The following FBLIM1 variants were observed in gnomAD, a reference collection of about 807,000 sequenced individuals.
FBLIM1 encodes the protein filamin-binding LIM protein 1.
Under a neutral mutation model 37.4 loss-of-function variants are expected in FBLIM1, and 29 were observed. The ratio of observed to expected loss-of-function variants is 0.77; its 90% CI spans 0.58 to 1.06. The LOEUF is 1.06. Ranked by LOEUF, FBLIM1 falls within the 50% of genes least tolerant of loss-of-function variation. The pLI, the probability that FBLIM1 is intolerant of heterozygous loss-of-function variation, is 0.00. For missense variants in FBLIM1, 449 were observed against 505.6 expected, an observed-to-expected ratio of 0.89 and a Z score of 1.07; for synonymous variants, 193 against 199.0, an observed-to-expected ratio of 0.97 and a Z score of 0.25.
intron 6 of FBLIM1, among the ~76,000 whole-genome samples, chr1:15,773,605 G>A (rs149120212): frequency 7.3e-5 from 11 of 150,008 alleles, no homozygotes; most frequent in South Asian, 2.1e-4. Context: ...GCTTTAACCC[G>A]GGAAACGAGG....
intron 8 of FBLIM1, among the ~76,000 whole-genome samples, chr1:15,783,957 G>T (rs1421722808): frequency 6.6e-6 from 1 of 152,210 alleles, no homozygotes; most frequent in African/African-American, 2.4e-5. Flanking sequence ...GGGAAGCCAA[G>T]GTGGGCGGAT....
intron 1 of FBLIM1, among the ~76,000 whole-genome samples, chr1:15,763,163 G>A (rs528231570): frequency 1.5e-4 from 23 of 151,750 alleles, no homozygotes; most frequent in African/African-American, 5.1e-4. Context: ...CCACTCCCAC[G>A]GGTTCAAGTG....
chr1:15,773,034 C>T (rs1049710984), intron 6 of FBLIM1, among the ~76,000 whole-genome samples: 2 of 151,940 alleles, frequency 1.3e-5, no homozygotes, highest in East Asian at 3.9e-4. Context: ...GATCTGCCTG[C>T]CTCAGCCTCC....
chr1:15,782,222 C>T (rs1011665583), intron 8 of FBLIM1, among the ~76,000 whole-genome samples: 9 of 150,972 alleles, frequency 6.0e-5, no homozygotes, highest in South Asian at 2.1e-4. Context: ...AGCCAGCCTG[C>T]GCAGTAAGAC....
rs113531348 is a variant in FBLIM1 at position 15,772,973 on chromosome 1, C to T, written c.712-1645C>T. 3.9e-3 allele frequency among the ~76,000 whole-genome samples: 596 copies of T among 151,090 alleles called. 2 individuals are homozygous for T. The highest frequency in any genetic ancestry group is 0.012 in the South Asian group (54 of 4,652). On this transcript the variant is annotated intron_variant, in intron 6 of 8. Coordinates refer to ENST00000375766, the MANE Select transcript of FBLIM1 (RefSeq NM_017556.4). ...CTATTTTTTGTATTTTTAGTAGAGA[C>T]GGGGGTTTCACCATGTTGGCCAGGC...
At chr1:15,772,810 T>A (rs555323553) in intron 6 of FBLIM1, among the ~76,000 whole-genome samples, 1 of 152,228 alleles carries the variant, frequency 6.6e-6, no homozygotes, top group Non-Finnish European at 1.5e-5. Flanking sequence ...GCTATTTTTT[T>A]ATTAAAATAT....
intron 1 of FBLIM1, among the ~76,000 whole-genome samples, chr1:15,761,564 T>G (rs1008420073): frequency 3.3e-5 from 5 of 152,172 alleles, no homozygotes; most frequent in Admixed American, 6.6e-5. Context: ...AAAAATAGAT[T>G]CTTAAACTTA....
chr1:15,770,489 TGCTTC>T lies in FBLIM1; in HGVS notation c.623_627del (p.Cys208TyrfsTer70). Reference sequence around the variant, plus strand: ...CATGAAGAGGCAGTACCATGCCCAGTGCTTCACGTGCCGCACCTGCCGCCGCCAGC... The same window carrying T: ...CATGAAGAGGCAGTACCATGCCCAGTACGTGCCGCACCTGCCGCCGCCAGC... On this transcript the variant is annotated frameshift_variant, in exon 6 of 9. Coordinates refer to ENST00000375766, the MANE Select transcript of FBLIM1 (RefSeq NM_017556.4). LOFTEE classifies it high-confidence loss of function. 1 of 1,613,342 alleles carries T rather than the reference TGCTTC, an allele frequency of 6.2e-7. No individual in the cohort carries two copies. Among genetic ancestry groups the T allele is most frequent in the South Asian group, 1.1e-5 (1 of 91,044 alleles).
chr1:15,777,176 C>T lies in FBLIM1; in HGVS notation c.897C>T (p.Phe299=), dbSNP rs764038067. The T allele has an allele frequency of 1.6e-5, 26 of 1,597,584 alleles. No homozygotes were observed. Among genetic ancestry groups the T allele is most frequent in the Admixed American group, 5.1e-5 (3 of 58,808 alleles). ...VYCLDDFYRK[F]APVCSICENP... is the part of the protein sequence containing the mutation. Reference sequence around the variant, plus strand: ...TGGGTTCCTTTGCTTCTAGGAAATTCGCCCCCGTCTGCAGCATCTGTGAAA... The same window carrying T: ...TGGGTTCCTTTGCTTCTAGGAAATTTGCCCCCGTCTGCAGCATCTGTGAAA... The change falls in exon 8 of 9, where the codon TTC becomes TTT. Residue 299 remains phenylalanine (F), a synonymous_variant. Transcript: ENST00000375766.
intron 3 of FBLIM1, among the ~76,000 whole-genome samples, chr1:15,766,294 G>A (rs939947954): frequency 4.0e-5 from 6 of 151,376 alleles, no homozygotes; most frequent in African/African-American, 7.3e-5. Context: ...GTGTGTGTAT[G>A]TGTGTGTGTG....
chr1:15,776,383 G>A (rs1273022482), intron 7 of FBLIM1, among the ~76,000 whole-genome samples: 1 of 152,200 alleles, frequency 6.6e-6, no homozygotes. Context: ...GGTAAGTATT[G>A]AAGCTCTTGG....
In FBLIM1 at chr1:15,767,397, T is replaced by C; in HGVS notation, c.272T>C (p.Val91Ala). 1 of 1,565,118 alleles carries C rather than the reference T, an allele frequency of 6.4e-7. No homozygotes were observed. The highest frequency in any genetic ancestry group is 8.7e-7 in the Non-Finnish European group (1 of 1,153,162). The change falls in exon 4 of 9, where the codon GTC (valine) becomes GCC (alanine). Residue 91 changes from valine (V) to alanine (A), a missense_variant. Physicochemically the swap from Val to Ala is moderately conservative, Grantham distance 64. Transcript: ENST00000375766. Reference sequence around the variant, plus strand: ...GCAGGATGCCCACCCCCTCCTCCTGTCCTGGATGGTGAGGACGTGCTTCCT... The same window carrying C: ...GCAGGATGCCCACCCCCTCCTCCTGCCCTGGATGGTGAGGACGTGCTTCCT... ...FNGGCPPPPP[V>A]LDGEDVLPDL...
chr1:15,782,063 C>T (rs185072698), intron 8 of FBLIM1, among the ~76,000 whole-genome samples: 1 of 151,818 alleles, frequency 6.6e-6, no homozygotes, highest in East Asian at 2.0e-4. Context: ...ATTGACATCA[C>T]CTTGTTTAAT....
At chr1:15,761,975 C>T (rs1428990617) in intron 1 of FBLIM1, among the ~76,000 whole-genome samples, 1 of 152,210 alleles carries the variant, frequency 6.6e-6, no homozygotes, top group Non-Finnish European at 1.5e-5. Context: ...ATGGCCCCAC[C>T]TCAGCCTTGG....
At chr1:15,772,897 G>A (rs144695877) in intron 6 of FBLIM1, among the ~76,000 whole-genome samples, 50 of 151,990 alleles carry the variant, frequency 3.3e-4, no homozygotes, top group African/African-American at 9.9e-4. Flanking sequence ...TGATTCTCCC[G>A]CCTCAGCCTC....
chr1:15,782,274 G>T (rs974306644), intron 8 of FBLIM1, among the ~76,000 whole-genome samples: 1 of 151,860 alleles, frequency 6.6e-6, no homozygotes, highest in African/African-American at 2.4e-5. Flanking sequence ...CAGGCATGGT[G>T]GTACCTGTCT....
At chr1:15,767,614 G>A in intron 4 of FBLIM1, 51 bp downstream of exon 4, 1 of 652,272 alleles carries the variant, frequency 1.5e-6, no homozygotes, top group Non-Finnish European at 2.5e-6. Context: ...CTTGGTTGGG[G>A]CACGGGGAGT....
chr1:15,765,346 A>C lies in FBLIM1; in HGVS notation c.250+113A>C. 1.4e-6 allele frequency: 2 copies of C among 1,400,862 alleles called. No homozygotes were observed. Among genetic ancestry groups the C allele is most frequent in the Non-Finnish European group, 1.9e-6 (2 of 1,046,930 alleles). The allele number at this position is 1,400,862 out of a possible 1,614,324, so 86.8% of individuals were successfully genotyped here. The stretch of plus-strand genomic sequence containing the variant: ...TTATTCATCCTGACAAAATTCACAC[A>C]TCAACGGGAAACAAAAAGATGTGCC... On this transcript the variant is annotated intron_variant, in intron 3 of 8. Transcript: ENST00000375766. The surrounding 1 kb of genome is among the most constrained non-coding windows in gnomAD (Gnocchi z 5.9).
At position 15,774,943 on chromosome 1, in the gene FBLIM1, G is replaced by C. The variant is rs558536834; in HGVS notation, c.890+147G>C. The C allele has an allele frequency of 6.2e-5, 95 of 1,529,326 alleles. No homozygotes were observed. The African/African-American group carries it at 1.2e-3, about 20-fold the overall frequency. 94.7% of individuals were successfully genotyped at this position (1,529,326 alleles called of 1,614,324 possible). A position where few individuals can be genotyped will look rare whatever the true frequency, so the allele number is the denominator to read the frequency against. On this transcript the variant is annotated intron_variant, in intron 7 of 8. Transcript: ENST00000375766. ...AAAGAATATTACAGGGCTGGGCTGGGCGCGGTGGCTCACGCCTGTAATCCC... is the reference window on the plus strand; with the variant it reads ...AAAGAATATTACAGGGCTGGGCTGGCCGCGGTGGCTCACGCCTGTAATCCC...
Sources: gnomAD v4.1 joint callset for allele counts (sites outside exome capture counted in the v4.1 genomes callset) on GRCh38, gnomAD v4.1.1 for gene constraint, Gnocchi (gnomAD v3.1) non-coding constraint, MANE v1.5 for transcripts, NCBI Gene and HGNC (gene_info 2026-07-23, HGNC 2026-07-21) for gene names.